Variants in PARD3B observed in about 807,000 individuals in gnomAD.
PARD3B encodes the protein partitioning defective 3 homolog B.
Under a neutral mutation model 130.2 loss-of-function variants are expected in PARD3B, and 103 were observed. That is an observed-to-expected ratio of 0.79 (90% CI 0.67 to 0.93). The LOEUF (loss-of-function observed/expected upper bound fraction) is 0.93, where lower values mean the gene tolerates loss of function less well. Ranked by LOEUF, PARD3B falls within the 40% of genes least tolerant of loss-of-function variation. PARD3B has a pLI of 0.00. For missense variants in PARD3B, 1,609 were observed against 1,499.2 expected (o/e 1.07, Z -1.21); for synonymous variants, 583 against 553.2 (o/e 1.05, Z -0.76).
chr2:205,220,974 G>C (rs1559555887), intron 15 of PARD3B, among the ~76,000 whole-genome samples: 1 of 152,202 alleles, frequency 6.6e-6, no homozygotes, highest in African/African-American at 2.4e-5. Context: ...GGGCTTGGAA[G>C]CTGTGGAAGC....
At chr2:205,353,405 C>G (rs990419457) in intron 18 of PARD3B, among the ~76,000 whole-genome samples, 1 of 152,162 alleles carries the variant, frequency 6.6e-6, no homozygotes, top group Admixed American at 6.5e-5. Context: ...CTATGTTGCA[C>G]TCCTGAGCTT....
At chr2:204,696,545 G>T (rs531505683) in intron 2 of PARD3B, among the ~76,000 whole-genome samples, 1 of 152,126 alleles carries the variant, frequency 6.6e-6, no homozygotes, top group South Asian at 2.1e-4. Context: ...ACTGATGTTT[G>T]TCACACTTTT....
rs1223291332 is a variant in PARD3B, at chr2:205,439,158, G to A, written c.2742-1212G>A. Among the ~76,000 whole-genome samples, 5 of 152,054 alleles carry A rather than the reference G, an allele frequency of 3.3e-5. No individual in the cohort carries two copies. In the East Asian group the frequency reaches 5.8e-4, roughly 18 times the overall value. On this transcript the variant is annotated intron_variant, in intron 19 of 22. Coordinates refer to ENST00000406610, the MANE Select transcript of PARD3B (RefSeq NM_001302769.2). ...ATGTGCAAAACAGCTGTTTTTGTTC[G>A]AATAGGGGAAGATACTGATGGGTTT...
At chr2:204,599,820 C>A (rs537472637) in intron 1 of PARD3B, among the ~76,000 whole-genome samples, 1 of 151,838 alleles carries the variant, frequency 6.6e-6, no homozygotes, top group Admixed American at 6.6e-5. Context: ...TATAAGTGTT[C>A]CTGTTTCTCT....
At chr2:204,648,563 A>G (rs2035352044) in intron 1 of PARD3B, among the ~76,000 whole-genome samples, 2 of 132,454 alleles carry the variant, frequency 1.5e-5, no homozygotes. Flanking sequence ...AAAATATATA[A>G]ATATAAATAT....
chr2:204,594,698 CT>C (rs925263089), intron 1 of PARD3B, among the ~76,000 whole-genome samples: 4 of 152,150 alleles, frequency 2.6e-5, no homozygotes, highest in Non-Finnish European at 2.9e-5. Flanking sequence ...AGTCATTTTT[CT>C]TTTTTTTCTC....
At chr2:205,479,162 A>G (rs2049131672) in intron 20 of PARD3B, among the ~76,000 whole-genome samples, 2 of 152,184 alleles carry the variant, frequency 1.3e-5, no homozygotes, top group South Asian at 4.1e-4. Flanking sequence ...AATAGGAAAA[A>G]GAAAGTTCTC....
At chr2:205,224,821 T>C (rs944952294) in intron 15 of PARD3B, among the ~76,000 whole-genome samples, 1 of 151,938 alleles carries the variant, frequency 6.6e-6, no homozygotes, top group Non-Finnish European at 1.5e-5. Context: ...ATTCCATGGG[T>C]CGAAAGAAAA....
intron 18 of PARD3B, among the ~76,000 whole-genome samples, chr2:205,395,596 C>T (rs1006303272): frequency 2.0e-5 from 3 of 152,112 alleles, no homozygotes; most frequent in Non-Finnish European, 4.4e-5. Flanking sequence ...CAATAATAAT[C>T]ATGTTTTAAA....
chr2:205,330,872 G>C (rs1255583956), intron 18 of PARD3B, among the ~76,000 whole-genome samples: 1 of 152,198 alleles, frequency 6.6e-6, no homozygotes, highest in Admixed American at 6.5e-5. Context: ...CTATAATGTG[G>C]TTCCTTAGTC....
At chr2:205,404,349 G>T (rs573174355) in intron 19 of PARD3B, among the ~76,000 whole-genome samples, 1 of 152,058 alleles carries the variant, frequency 6.6e-6, no homozygotes, top group East Asian at 1.9e-4. Flanking sequence ...TATATGAGAG[G>T]ATATACATAG....
intron 2 of PARD3B, among the ~76,000 whole-genome samples, chr2:204,823,450 G>A (rs2043445514): frequency 6.6e-6 from 1 of 151,958 alleles, no homozygotes; most frequent in Admixed American, 6.6e-5. Flanking sequence ...ATATGGAGAT[G>A]AAAGGTAACA....
chr2:204,814,627 C>T (rs1383342405), intron 2 of PARD3B, among the ~76,000 whole-genome samples: 1 of 151,720 alleles, frequency 6.6e-6, no homozygotes, highest in Middle Eastern at 3.2e-3. Flanking sequence ...AGAGTGAAAT[C>T]CTTGTTTAGT....
intron 3 of PARD3B, among the ~76,000 whole-genome samples, chr2:205,047,102 TA>T (rs1336972932): frequency 2.0e-5 from 3 of 152,212 alleles, no homozygotes; most frequent in Non-Finnish European, 4.4e-5. Context: ...ATTAATGTTG[TA>T]ACCCCAGCAA....
chr2:205,247,737 G>A (rs1340577444), intron 16 of PARD3B, among the ~76,000 whole-genome samples: 1 of 152,166 alleles, frequency 6.6e-6, no homozygotes, highest in Non-Finnish European at 1.5e-5. Context: ...TGGAGCAAAA[G>A]TGGCCTGCAA....
At chr2:205,428,791 C>CT (rs1259062359) in intron 19 of PARD3B, among the ~76,000 whole-genome samples, 2 of 151,908 alleles carry the variant, frequency 1.3e-5, no homozygotes, top group Non-Finnish European at 2.9e-5. Context: ...AACATATGGG[C>CT]TTTTTTTCCC....
intron 2 of PARD3B, among the ~76,000 whole-genome samples, chr2:204,795,320 A>C (rs1229751188): frequency 6.6e-6 from 1 of 152,342 alleles, no homozygotes; most frequent in East Asian, 1.9e-4. Context: ...TCACCACTGC[A>C]AACAGGAAGG....
At position 205,229,544 on chromosome 2, in the gene PARD3B, G is replaced by A. The variant is rs753386905; in HGVS notation, c.2141-16234G>A. ...TCTGTGTGCTGAGCCACCTAGAACC[G>A]GTGTAGGGCTGACACAAGCACCCTG... On this transcript the variant is annotated intron_variant, in intron 15 of 22. Transcript: ENST00000406610. The surrounding 1 kb of genome is among the most constrained non-coding windows in gnomAD (Gnocchi z 5.2). Among the ~76,000 whole-genome samples, 15 of 152,168 alleles carry A rather than the reference G, an allele frequency of 9.9e-5. No individual in the cohort carries two copies. The highest frequency in any genetic ancestry group is 2.2e-4 in the African/African-American group (9 of 41,520).
intron 22 of PARD3B, among the ~76,000 whole-genome samples, chr2:205,556,428 T>C (rs1490923889): frequency 6.6e-6 from 1 of 152,054 alleles, no homozygotes; most frequent in Non-Finnish European, 1.5e-5. Flanking sequence ...TGGAACTCGG[T>C]CATCTTTAAA....
Sources: allele counts gnomAD v4.1 joint callset (sites outside exome capture counted in the v4.1 genomes callset), GRCh38; gene constraint gnomAD v4.1.1; non-coding constraint Gnocchi (gnomAD v3.1); transcripts MANE v1.5; gene names NCBI Gene and HGNC (gene_info 2026-07-23, HGNC 2026-07-21).